The following MAGOHB variants were observed in gnomAD, a reference collection of about 807,000 sequenced individuals.
MAGOHB encodes the protein mago homolog B, exon junction complex subunit.
In MAGOHB, 15 loss-of-function variants were observed where a neutral mutation model predicts 20.9. The observed-to-expected ratio is 0.72, with a 90% confidence interval of 0.48 to 1.11. The LOEUF (loss-of-function observed/expected upper bound fraction) is 1.11. Among genes scored for constraint, MAGOHB ranks in the 50% least tolerant of loss-of-function variants. The probability of loss-of-function intolerance (pLI) is 0.00; values close to 1 mark genes in which losing one functional copy is unlikely to be tolerated. For synonymous variants in MAGOHB, 50 were observed against 57.9 expected (o/e 0.86, Z 0.62); for missense variants, 162 against 177.6 (o/e 0.91, Z 0.50).
intron 3 of MAGOHB, chr12:10,609,163 T>C (rs1328808563): frequency 1.5e-5 from 3 of 201,736 alleles, no homozygotes; most frequent in Non-Finnish European, 3.2e-5. Flanking sequence ...AGTGTCAGCA[T>C]GTGTTAGATT....
chr12:10,608,648 G>A (rs963623389), intron 3 of MAGOHB: 1 of 148,762 alleles, frequency 6.7e-6, no homozygotes, highest in Non-Finnish European at 1.5e-5. Context: ...CTAGTGTGCT[G>A]TAATTACTGT....
chr12:10,613,507 AG>A lies in MAGOHB; in HGVS notation c.25del (p.Leu9CysfsTer5), dbSNP rs761997547. On this transcript the variant is annotated frameshift_variant, in exon 1 of 5. Transcript: ENST00000320756. LOFTEE classifies it high-confidence loss of function. MAVASDFY[L>X]RYYVGHKGKF... ...GCCCTTGTGCCCTACGTAGTAGCGC[AG>A]GTAGAAATCGCTAGCCACAGCCATT... 6.2e-7 allele frequency: 1 copy of A among 1,614,136 alleles called. No homozygotes were observed. Among genetic ancestry groups the A allele is most frequent in the Admixed American group, 1.7e-5 (1 of 60,024 alleles).
intron 1 of MAGOHB, among the ~76,000 whole-genome samples, chr12:10,612,190 AATAACATAACATAACATAACATAAC>A (rs3059682): frequency 1.4e-3 from 205 of 141,452 alleles, no homozygotes; most frequent in Middle Eastern, 6.9e-3. Flanking sequence ...CTCTACAAAA[AATAACATAACATAACATAACATAAC>A]ATAACATAAC....
At chr12:10,610,235 C>T (rs771282507) in intron 2 of MAGOHB, among the ~76,000 whole-genome samples, 50 of 152,104 alleles carry the variant, frequency 3.3e-4, no homozygotes, top group Non-Finnish European at 6.2e-4. Context: ...TAACTTGTGT[C>T]ATCACAAGAT....
intron 1 of MAGOHB, among the ~76,000 whole-genome samples, chr12:10,612,005 T>C (rs747497243): frequency 2.0e-5 from 3 of 152,054 alleles, no homozygotes; most frequent in Admixed American, 1.3e-4. Flanking sequence ...TTCAGGTAAA[T>C]TTAGCTGAAT....
intron 4 of MAGOHB, 146 bp from the exon 5 acceptor site, chr12:10,606,520 A>AACAT: frequency 1.7e-6 from 1 of 597,368 alleles, no homozygotes; most frequent in African/African-American, 1.9e-5. Context: ...AACTAAAATG[A>AACAT]ACATACAATT....
chr12:10,608,263 G>A (rs1865664597), intron 3 of MAGOHB: 1 of 186,270 alleles, frequency 5.4e-6, no homozygotes, highest in Non-Finnish European at 1.1e-5. Flanking sequence ...AGCACATGTT[G>A]TAAAAATGAT....
chr12:10,613,073 C>A (rs1031718386), intron 1 of MAGOHB: 25 of 656,222 alleles, frequency 3.8e-5, no homozygotes, highest in Admixed American at 2.0e-4. Flanking sequence ...AACACACAGC[C>A]TAAATGAAAA....
At chr12:10,607,756 G>T in intron 4 of MAGOHB, 98 bp downstream of exon 4, 1 of 679,938 alleles carries the variant, frequency 1.5e-6, no homozygotes, top group Non-Finnish European at 2.6e-6. Context: ...AAACTGATAG[G>T]ATGCCACTGA....
At chr12:10,602,364 C>A (rs1043985893), downstream of MAGOHB, among the ~76,000 whole-genome samples, 1 of 152,194 alleles carries the variant, frequency 6.6e-6, no homozygotes, top group Non-Finnish European at 1.5e-5. Context: ...CAGAATGAAA[C>A]TGACGACGGG....
At chr12:10,613,330 A>G (rs1865785527) in intron 1 of MAGOHB, 109 bp downstream of exon 1, 2 of 929,438 alleles carry the variant, frequency 2.2e-6, no homozygotes, top group East Asian at 2.4e-5. Flanking sequence ...TTAAGCTCCT[A>G]TTTCCTTCGA....
intron 3 of MAGOHB, chr12:10,608,816 T>A (rs1591663740): frequency 6.6e-6 from 1 of 152,318 alleles, no homozygotes; most frequent in East Asian, 1.9e-4. Context: ...ACACACAGAA[T>A]GGAGAATTAG....
rs201751308 is a variant in MAGOHB at position 10,613,409 on chromosome 12, C to G, written c.94+30G>C. 268 of 1,604,598 alleles carry G rather than the reference C, an allele frequency of 1.7e-4. 1 individual carries two copies. In the African/African-American group the frequency reaches 2.7e-3, roughly 16 times the overall value. ...GCCTCTCGGTCTCGCTCCCCTTTCC[C>G]AGCACCGCGTGCCGTGGGCCTCTTC... On this transcript the variant is annotated intron_variant, in intron 1 of 4. Coordinates refer to ENST00000320756, the MANE Select transcript of MAGOHB (RefSeq NM_018048.5).
chr12:10,599,950 A>G (rs1339378287), downstream of MAGOHB, among the ~76,000 whole-genome samples: 1 of 152,202 alleles, frequency 6.6e-6, no homozygotes, highest in Non-Finnish European at 1.5e-5. Flanking sequence ...TCTATGTATA[A>G]AAATATAGAC....
intron 1 of MAGOHB, 82 bp from the exon 2 acceptor site, chr12:10,610,762 G>T: frequency 7.7e-7 from 1 of 1,305,934 alleles, no homozygotes; most frequent in Non-Finnish European, 1.1e-6. Context: ...TGAAGGTAAA[G>T]ACCATTTTAT....
At chr12:10,601,210 A>T (rs2120484693), downstream of MAGOHB, among the ~76,000 whole-genome samples, 1 of 152,284 alleles carries the variant, frequency 6.6e-6, no homozygotes, top group African/African-American at 2.4e-5. Flanking sequence ...GGATGTTGAA[A>T]AGGTGACAGA....
chr12:10,607,789 A>C, intron 4 of MAGOHB, 65 bp downstream of exon 4: 1 of 863,538 alleles, frequency 1.2e-6, no homozygotes, highest in Non-Finnish European at 1.9e-6. Context: ...TAGCAAACTG[A>C]CTATAGTTCT....
At position 10,613,581 on chromosome 12, in the gene MAGOHB, C is replaced by T. The variant is rs774287120; in HGVS notation, c.-49G>A. 52 of 1,276,638 alleles carry T rather than the reference C, an allele frequency of 4.1e-5. No homozygotes were observed. Among genetic ancestry groups the T allele is most frequent in the Non-Finnish European group, 5.5e-5 (48 of 872,122 alleles). 79.1% of individuals were successfully genotyped at this position (1,276,638 alleles called of 1,614,324 possible). The stretch of plus-strand genomic sequence containing the variant: ...AAAACGCAGCCAACGTGTCCCCCGG[C>T]GCCTTGCAGTGACGTCATCGCGCGG... On this transcript the variant is annotated 5_prime_UTR_variant, in exon 1 of 5. Coordinates refer to ENST00000320756, the MANE Select transcript of MAGOHB (RefSeq NM_018048.5).
At chr12:10,609,158 C>T (rs1865680366) in intron 3 of MAGOHB, 1 of 202,262 alleles carries the variant, frequency 4.9e-6, no homozygotes, top group Non-Finnish European at 1.1e-5. Flanking sequence ...TACAGAGTGT[C>T]AGCATGTGTT....
Sources: gnomAD v4.1 joint callset for allele counts (sites outside exome capture counted in the v4.1 genomes callset) on GRCh38, gnomAD v4.1.1 for gene constraint, MANE v1.5 for transcripts, NCBI Gene and HGNC (gene_info 2026-07-23, HGNC 2026-07-21) for gene names.